FMNL2: variants seen among roughly 807,000 people sequenced by gnomAD.
FMNL2 encodes the protein formin-like protein 2.
A neutral mutation model predicts 130.2 loss-of-function variants in FMNL2; 51 were observed. That is an observed-to-expected ratio of 0.39 (90% CI 0.31 to 0.49). FMNL2 has a LOEUF of 0.49. Among genes scored for constraint, FMNL2 ranks in the 20% least tolerant of loss-of-function variants. The pLI, the probability that FMNL2 is intolerant of heterozygous loss-of-function variation, is 0.85. For missense variants in FMNL2, 977 were observed against 1,316.2 expected, an observed-to-expected ratio of 0.74 and a Z score of 3.99; for synonymous variants, 465 against 467.1, an observed-to-expected ratio of 1.00 and a Z score of 0.06.
chr2:152,571,421 G>A (rs1029193710), intron 6 of FMNL2, among the ~76,000 whole-genome samples: 1 of 152,162 alleles, frequency 6.6e-6, no homozygotes, highest in Non-Finnish European at 1.5e-5. Context: ...CCTCTCACTG[G>A]AGCTTTTAAA....
intron 6 of FMNL2, among the ~76,000 whole-genome samples, chr2:152,570,700 C>T (rs1338040787): frequency 1.3e-5 from 2 of 152,150 alleles, no homozygotes; most frequent in African/African-American, 4.8e-5. Flanking sequence ...GAACCTTCCC[C>T]AAGTCACCAG....
intron 6 of FMNL2, among the ~76,000 whole-genome samples, chr2:152,569,992 C>G (rs1205081802): frequency 2.9e-5 from 4 of 138,326 alleles, no homozygotes; most frequent in Non-Finnish European, 4.6e-5. Flanking sequence ...GCCTGGGCAA[C>G]AGAGTGAGAC....
chr2:152,397,921 C>G (rs1258013324), intron 1 of FMNL2, among the ~76,000 whole-genome samples: 3 of 152,148 alleles, frequency 2.0e-5, no homozygotes, highest in Non-Finnish European at 4.4e-5. Context: ...GTCAGGAGTT[C>G]AAGACCAGCC....
intron 1 of FMNL2, among the ~76,000 whole-genome samples, chr2:152,490,617 T>TGTGTG (rs1185966265): frequency 2.3e-4 from 8 of 34,326 alleles, no homozygotes; most frequent in Admixed American, 3.2e-4. Flanking sequence ...GTGTGTGTGT[T>TGTGTG]GGATAAACTT....
chr2:152,388,117 G>A (rs1221705020), intron 1 of FMNL2, among the ~76,000 whole-genome samples: 1 of 152,186 alleles, frequency 6.6e-6, no homozygotes, highest in Non-Finnish European at 1.5e-5. Flanking sequence ...TTGTACTTCC[G>A]GGTAATGTAG....
chr2:152,454,529 G>T (rs1688844416), intron 1 of FMNL2, among the ~76,000 whole-genome samples: 1 of 152,118 alleles, frequency 6.6e-6, no homozygotes, highest in African/African-American at 2.4e-5. Flanking sequence ...CTGGATCACG[G>T]GTAGCATAGG....
chr2:152,595,345 A>ACTCTG (rs1697704219), intron 9 of FMNL2, among the ~76,000 whole-genome samples: 1 of 152,172 alleles, frequency 6.6e-6, no homozygotes, highest in Non-Finnish European at 1.5e-5. Flanking sequence ...TTTGAGGCAG[A>ACTCTG]GTCTTGCTCT....
At chr2:152,644,262 G>A (rs1436065363) in intron 25 of FMNL2, among the ~76,000 whole-genome samples, 1 of 152,144 alleles carries the variant, frequency 6.6e-6, no homozygotes, top group African/African-American at 2.4e-5. Context: ...GTTCTAAGTA[G>A]GTTTACAGAT....
rs753611923 is a variant in FMNL2, at chr2:152,607,400, A to G, written c.938A>G (p.Asn313Ser). Residue 313 changes from asparagine to serine, a missense_variant, in exon 10 of 26, where the codon AAC (asparagine) becomes AGC (serine). Coordinates refer to ENST00000288670, the MANE Select transcript of FMNL2 (RefSeq NM_052905.4). ...GAACATTTCAGGAATGAAGACAATA[A>G]CATAGATTTTATGGTGAGTTATTTC... ...LMEHFRNEDN[N>S]IDFMVASMQF... is the part of the protein sequence containing the mutation. 11 of 1,612,976 alleles carry G rather than the reference A, an allele frequency of 6.8e-6. No homozygotes were observed. In the African/African-American group the frequency reaches 1.2e-4, roughly 18 times the overall value.
chr2:152,364,249 G>A (rs938828202), intron 1 of FMNL2, among the ~76,000 whole-genome samples: 1 of 133,228 alleles, frequency 7.5e-6, no homozygotes, highest in Non-Finnish European at 1.5e-5. Context: ...ACATCCGTTA[G>A]GAGGTTTGTG....
chr2:152,460,175 T>TGATACCTGA (rs1324786838), intron 1 of FMNL2, among the ~76,000 whole-genome samples: 1 of 152,156 alleles, frequency 6.6e-6, no homozygotes, highest in African/African-American at 2.4e-5. Flanking sequence ...ATTATGTTCA[T>TGATACCTGA]TTGGTGGTCT....
intron 1 of FMNL2, among the ~76,000 whole-genome samples, chr2:152,490,917 T>C (rs975628942): frequency 6.6e-6 from 1 of 152,094 alleles, no homozygotes; most frequent in Non-Finnish European, 1.5e-5. Context: ...AAACATCATC[T>C]TCAATGAGTT....
intron 9 of FMNL2, among the ~76,000 whole-genome samples, chr2:152,598,559 T>C (rs898168068): frequency 5.3e-5 from 8 of 152,248 alleles, no homozygotes; most frequent in Middle Eastern, 3.4e-3. Context: ...CCTGGTGGCA[T>C]GTGCCTTTAA....
intron 1 of FMNL2, among the ~76,000 whole-genome samples, chr2:152,348,343 G>A (rs761212192): frequency 3.9e-5 from 6 of 152,176 alleles, no homozygotes; most frequent in Non-Finnish European, 7.3e-5. Context: ...GTGGGCTCCT[G>A]AAAGGCAAGG....
At position 152,335,561 on chromosome 2, in the gene FMNL2, G is replaced by A. The variant is rs776213134; in HGVS notation, c.-43G>A. Reference sequence around the variant, plus strand: ...AGCTGTTCTGATTTCCGACGCGCACGCTAGGGGCCCGGAGCAGCCCCCGGC... The same window carrying A: ...AGCTGTTCTGATTTCCGACGCGCACACTAGGGGCCCGGAGCAGCCCCCGGC... On this transcript the variant is annotated 5_prime_UTR_variant, in exon 1 of 26. Coordinates refer to ENST00000288670, the MANE Select transcript of FMNL2 (RefSeq NM_052905.4). 1.3e-6 allele frequency: 2 copies of A among 1,523,346 alleles called. No individual in the cohort carries two copies. The highest frequency in any genetic ancestry group is 1.8e-6 in the Non-Finnish European group (2 of 1,122,984). 94.4% of individuals were successfully genotyped at this position (1,523,346 alleles called of 1,614,324 possible). A position where few individuals can be genotyped will look rare whatever the true frequency, so the allele number is the denominator to read the frequency against.
chr2:152,397,274 C>T (rs542636329), intron 1 of FMNL2, among the ~76,000 whole-genome samples: 33 of 152,092 alleles, frequency 2.2e-4, no homozygotes, highest in African/African-American at 7.7e-4. Context: ...ACAGATGGTT[C>T]ACCTGGGTAA....
chr2:152,616,748 T>C (rs1656501007), intron 12 of FMNL2, among the ~76,000 whole-genome samples: 1 of 152,164 alleles, frequency 6.6e-6, no homozygotes, highest in African/African-American at 2.4e-5. Flanking sequence ...GGCCCTTTCT[T>C]GGCATGGAGT....
At chr2:152,598,622 A>AGAGATTGCAATGAGCG (rs1553484359) in intron 9 of FMNL2, among the ~76,000 whole-genome samples, 7 of 151,990 alleles carry the variant, frequency 4.6e-5, no homozygotes, top group Admixed American at 3.9e-4. Context: ...CCCGGGAGGT[A>AGAGATTGCAATGAGCG]GAGATTGCAA....
intron 1 of FMNL2, among the ~76,000 whole-genome samples, chr2:152,447,982 T>C (rs1688441473): frequency 6.6e-6 from 1 of 152,208 alleles, no homozygotes; most frequent in African/African-American, 2.4e-5. Flanking sequence ...TAGTTTTTAA[T>C]ACTTAACTGT....
Sources: allele counts gnomAD v4.1 joint callset (sites outside exome capture counted in the v4.1 genomes callset), GRCh38; gene constraint gnomAD v4.1.1; transcripts MANE v1.5; gene names NCBI Gene and HGNC (gene_info 2026-07-23, HGNC 2026-07-21).